The following ZFHX4 variants were observed in gnomAD, a reference collection of about 807,000 sequenced individuals.
ZFHX4 encodes the protein zinc finger homeobox 4.
A neutral mutation model predicts 267.6 loss-of-function variants in ZFHX4; 56 were observed. That is an observed-to-expected ratio of 0.21 (90% CI 0.17 to 0.26). The LOEUF (loss-of-function observed/expected upper bound fraction) is 0.26, where lower values mean the gene tolerates loss of function less well. Ranked by LOEUF, ZFHX4 falls within the 10% of genes least tolerant of loss-of-function variation. The probability of loss-of-function intolerance (pLI) is 1.00; values close to 1 mark genes in which losing one functional copy is unlikely to be tolerated. For synonymous variants in ZFHX4, 1,778 were observed against 1,665.6 expected (o/e 1.07, Z -1.64); for missense variants, 4,332 against 4,420.0 (o/e 0.98, Z 0.56).
intron 4 of ZFHX4, among the ~76,000 whole-genome samples, chr8:76,817,624 G>A (rs1356667310): frequency 6.6e-6 from 1 of 152,094 alleles, no homozygotes; most frequent in African/African-American, 2.4e-5. Context: ...TAACAAGAAG[G>A]GACTAGGAAA....
intron 5 of ZFHX4, among the ~76,000 whole-genome samples, chr8:76,837,984 T>C (rs1812136432): frequency 6.6e-6 from 1 of 152,226 alleles, no homozygotes; most frequent in Admixed American, 6.5e-5. Context: ...GTGTATGTTA[T>C]TCCATAACAA....
rs1227215430 is a variant in ZFHX4 at position 76,856,139 on chromosome 8, T to C, written c.9218T>C (p.Val3073Ala). The C allele has an allele frequency of 1.9e-6, 3 of 1,613,982 alleles. No individual in the cohort carries two copies. The highest frequency in any genetic ancestry group is 1.7e-6 in the Non-Finnish European group (2 of 1,179,860). ...GATCGTATAAAGAAAGCTTCAGACGTGCTGGGCTTGACGGTACAGCAGCCA... is the reference window on the plus strand; with the variant it reads ...GATCGTATAAAGAAAGCTTCAGACGCGCTGGGCTTGACGGTACAGCAGCCA... ...ELDRIKKASDVLGLTVQQPGM... is the reference protein window; with the variant it reads ...ELDRIKKASDALGLTVQQPGM... Residue 3073 changes from valine (V) to alanine (A), a missense_variant, in exon 10 of 11, where the codon GTG becomes GCG. Physicochemically the swap from Val to Ala is moderately conservative, Grantham distance 64 (BLOSUM62 0). Around this residue, in one of 7 missense-constraint regions of ZFHX4, gnomAD observed 1,648 missense variants for 1,625.0 expected, o/e 1.01. Transcript: ENST00000651372.
intron 4 of ZFHX4, among the ~76,000 whole-genome samples, chr8:76,791,517 G>C (rs1196917194): frequency 2.0e-5 from 3 of 152,090 alleles, no homozygotes; most frequent in African/African-American, 7.2e-5. Context: ...CCAAATTTGA[G>C]AACATATTTT....
intron 3 of ZFHX4, among the ~76,000 whole-genome samples, chr8:76,719,255 T>C (rs1461030995): frequency 6.6e-6 from 1 of 150,966 alleles, no homozygotes; most frequent in Non-Finnish European, 1.5e-5. Flanking sequence ...TTGATGAAGA[T>C]TATGGGTTAA....
In ZFHX4 at chr8:76,751,876, T is replaced by C. The variant is rs74475058; in HGVS notation, c.3094-26332T>C. ...AGAGTGGTGGTTCCAACAGTGAGTA[T>C]CCTAAGGTGGTCATCAACCGCATGC... On this transcript the variant is annotated intron_variant, in intron 3 of 10. Transcript: ENST00000651372. Among the ~76,000 whole-genome samples, 40 of 152,300 alleles carry C rather than the reference T, an allele frequency of 2.6e-4. No individual in the cohort carries two copies. In the East Asian group the frequency reaches 7.1e-3, roughly 27 times the overall value.
intron 4 of ZFHX4, among the ~76,000 whole-genome samples, chr8:76,818,682 C>A (rs539481039): frequency 8.5e-5 from 13 of 152,064 alleles, no homozygotes; most frequent in Non-Finnish European, 1.3e-4. Context: ...GAGGCCGAGG[C>A]AGGGAGATCA....
rs1028773675 is a variant in ZFHX4, at chr8:76,704,222, G to A, written c.134G>A (p.Ser45Asn). The change falls in exon 2 of 11, where the codon AGC becomes AAC. Residue 45 changes from serine to asparagine, a missense_variant. Around this residue, in one of 7 missense-constraint regions of ZFHX4, gnomAD observed 1,195 missense variants for 1,173.6 expected, o/e 1.02. Transcript: ENST00000651372. Reference protein sequence around the residue: ...VAGMEPDRENSSTDDNLKTDE... With the variant: ...VAGMEPDRENNSTDDNLKTDE... ...GGGATGGAGCCTGACAGGGAAAACA[G>A]CTCCACAGATGACAACCTGAAAACG... is the stretch of plus-strand genomic sequence containing the variant. The A allele has an allele frequency of 1.9e-6, 3 of 1,613,882 alleles. No individual in the cohort carries two copies. The highest frequency in any genetic ancestry group is 2.7e-5 in the African/African-American group (2 of 74,924).
chr8:76,725,983 G>T (rs1246495301), intron 3 of ZFHX4, among the ~76,000 whole-genome samples: 1 of 152,148 alleles, frequency 6.6e-6, no homozygotes, highest in Non-Finnish European at 1.5e-5. Flanking sequence ...GAAATACCAG[G>T]AGGCTGAAGG....
Position 76,856,137 on chromosome 8 carries a change from C to G in ZFHX4, c.9216C>G (p.Asp3072Glu). ...QELDRIKKAS[D>E]VLGLTVQQPG... ...TTGATCGTATAAAGAAAGCTTCAGA[C>G]GTGCTGGGCTTGACGGTACAGCAGC... The change falls in exon 10 of 11, where the codon GAC becomes GAG. Residue 3072 changes from aspartate to glutamate, a missense_variant. This residue lies in a region of ZFHX4 where 1,648 missense variants were observed against 1,625.0 expected (regional missense o/e 1.01). Transcript: ENST00000651372. 1 of 1,613,978 alleles carries G rather than the reference C, an allele frequency of 6.2e-7. No individual in the cohort carries two copies. The highest frequency in any genetic ancestry group is 8.5e-7 in the Non-Finnish European group (1 of 1,179,870).
chr8:76,812,666 T>C (rs1195597132), intron 4 of ZFHX4, among the ~76,000 whole-genome samples: 1 of 152,180 alleles, frequency 6.6e-6, no homozygotes, highest in Non-Finnish European at 1.5e-5. Flanking sequence ...CTCAAAAATC[T>C]GTAATTTTTA....
chr8:76,697,619 T>G (rs997858222), intron 1 of ZFHX4, among the ~76,000 whole-genome samples: 2 of 152,044 alleles, frequency 1.3e-5, no homozygotes, highest in Admixed American at 1.3e-4. Flanking sequence ...TTTAGCAGTG[T>G]AATTTACTTG....
chr8:76,782,100 ATTTTTTT>A (rs77420241), intron 4 of ZFHX4: 2,738 of 236,160 alleles, frequency 0.012, 2 homozygotes, highest in Middle Eastern at 0.018. Context: ...TCAGTTAAGA[ATTTTTTT>A]TTTTTTTTTT....
chr8:76,705,127 C>A lies in ZFHX4; in HGVS notation c.1039C>A (p.His347Asn). Residue 347 changes from histidine to asparagine, a missense_variant, in exon 2 of 11, where the codon CAT becomes AAT. By Grantham distance (68) the His-to-Asn change is moderately conservative. Transcript: ENST00000651372. ...EPKKSTSVYP[H>N]FSTTNLIGPD... ...AAAAAAATCCACTTCTGTTTATCCC[C>A]ATTTTTCTACTACAAACCTCATAGG... 1 of 1,613,592 alleles carries A rather than the reference C, an allele frequency of 6.2e-7. No individual in the cohort carries two copies.
chr8:76,747,941 CAAA>C (rs1809506562), intron 3 of ZFHX4, among the ~76,000 whole-genome samples: 1 of 150,028 alleles, frequency 6.7e-6, no homozygotes, highest in East Asian at 1.9e-4. Context: ...TCAAAACAAA[CAAA>C]CAAACAAACA....
At chr8:76,816,336 C>T (rs1407491551) in intron 4 of ZFHX4, among the ~76,000 whole-genome samples, 4 of 152,156 alleles carry the variant, frequency 2.6e-5, no homozygotes, top group African/African-American at 9.7e-5. Flanking sequence ...GGATAAGATA[C>T]ATATTGCACT....
At chr8:76,782,436 A>T (rs1293064729) in intron 4 of ZFHX4, among the ~76,000 whole-genome samples, 3 of 152,184 alleles carry the variant, frequency 2.0e-5, no homozygotes, top group African/African-American at 7.2e-5. Context: ...CTATTTAAAG[A>T]TAGCAATGCA....
At chr8:76,683,477 G>T (rs929475910) in intron 1 of ZFHX4, among the ~76,000 whole-genome samples, 3 of 151,158 alleles carry the variant, frequency 2.0e-5, no homozygotes, top group African/African-American at 7.3e-5. Context: ...CACTGACTCA[G>T]ACAGAGGCAG....
At position 76,843,056 on chromosome 8, in the gene ZFHX4, G is replaced by A. The variant is rs1812278269; in HGVS notation, c.3511+285G>A. Among the ~76,000 whole-genome samples, 3 of 152,154 alleles carry A rather than the reference G, an allele frequency of 2.0e-5. No individual in the cohort carries two copies. The South Asian group carries it at 6.2e-4, about 31-fold the overall frequency. On this transcript the variant is annotated intron_variant, in intron 6 of 10. Coordinates refer to ENST00000651372, the MANE Select transcript of ZFHX4 (RefSeq NM_024721.5). ...GTGAGATTATTTTTTAATCAAATCA[G>A]TTTGTGTGCTTGTAATTTTTTAAGC...
At chr8:76,711,488 G>A (rs934328270) in intron 3 of ZFHX4, among the ~76,000 whole-genome samples, 20 of 152,290 alleles carry the variant, frequency 1.3e-4, no homozygotes, top group Admixed American at 6.5e-5. Flanking sequence ...GTGTCTGTGT[G>A]TGTATAAAAC....
Sources: allele counts gnomAD v4.1 joint callset (sites outside exome capture counted in the v4.1 genomes callset), GRCh38; gene constraint gnomAD v4.1.1; regional missense constraint gnomAD v4.1.1; transcripts MANE v1.5; gene names NCBI Gene and HGNC (gene_info 2026-07-23, HGNC 2026-07-21).